Variants in PVT1 observed in about 807,000 individuals in gnomAD.
PVT1 encodes the protein Pvt1 oncogene, also known as CXCR4/PVT1 fusion.
At chr8:128,060,205 C>G (rs1021663547) in intron 4 of PVT1, among the ~76,000 whole-genome samples, 7 of 151,992 alleles carry the variant, frequency 4.6e-5, no homozygotes, top group African/African-American at 1.5e-4. Flanking sequence ...GCAGTGAGCC[C>G]AGATAATGCC....
chr8:127,848,202 A>G (rs1201270308), intron 2 of PVT1, among the ~76,000 whole-genome samples: 89 of 152,176 alleles, frequency 5.8e-4, no homozygotes, highest in Non-Finnish European at 2.6e-4. Context: ...ATCACATGTC[A>G]AGGTTATGTT....
At chr8:127,831,868 C>T (rs1290355910) in intron 2 of PVT1, among the ~76,000 whole-genome samples, 4 of 152,240 alleles carry the variant, frequency 2.6e-5, no homozygotes, top group Admixed American at 2.6e-4. Flanking sequence ...ATGAAGGTGA[C>T]TGCTCTTGCG....
chr8:127,926,910 T>C (rs919256217), intron 3 of PVT1, among the ~76,000 whole-genome samples: 2 of 152,216 alleles, frequency 1.3e-5, no homozygotes, highest in Non-Finnish European at 2.9e-5. Context: ...TTCAGGCTAA[T>C]CGGACACGAG....
At chr8:127,872,078 G>A (rs1166374805) in intron 2 of PVT1, among the ~76,000 whole-genome samples, 1 of 148,602 alleles carries the variant, frequency 6.7e-6, no homozygotes. Context: ...GGGGACAAGA[G>A]TGAGACTCCG....
chr8:128,050,280 T>C (rs188464565), intron 4 of PVT1, among the ~76,000 whole-genome samples: 2 of 152,304 alleles, frequency 1.3e-5, no homozygotes, highest in Non-Finnish European at 2.9e-5. Flanking sequence ...CAACTTGAGT[T>C]TAACTGTCTC....
chr8:127,847,892 T>G (rs1384795864), intron 2 of PVT1, among the ~76,000 whole-genome samples: 1 of 151,896 alleles, frequency 6.6e-6, no homozygotes, highest in Non-Finnish European at 1.5e-5. Context: ...GGGAGGAAGA[T>G]GCATGAAGAA....
chr8:127,882,096 G>T (rs1429305715), intron 2 of PVT1, among the ~76,000 whole-genome samples: 2 of 152,168 alleles, frequency 1.3e-5, no homozygotes, highest in Non-Finnish European at 2.9e-5. Context: ...TAAGGGATGT[G>T]CCCAAGGCCA....
At chr8:128,080,950 A>G (rs932549202) in intron 5 of PVT1, among the ~76,000 whole-genome samples, 1 of 152,166 alleles carries the variant, frequency 6.6e-6, no homozygotes, top group African/African-American at 2.4e-5. Context: ...TTTCAGCACC[A>G]TTTGTTGAAA....
intron 4 of PVT1, among the ~76,000 whole-genome samples, chr8:128,043,739 CT>C (rs1813573534): frequency 6.8e-6 from 1 of 148,042 alleles, no homozygotes; most frequent in Non-Finnish European, 1.5e-5. Context: ...TATTTTTTAA[CT>C]GCTATATAGT....
intron 2 of PVT1, among the ~76,000 whole-genome samples, chr8:127,853,469 C>T (rs1173441540): frequency 6.6e-6 from 1 of 151,858 alleles, no homozygotes; most frequent in African/African-American, 2.4e-5. Context: ...GGCACGTGGT[C>T]GTAACTGAGC....
At chr8:127,845,872 A>G (rs1175365456) in intron 2 of PVT1, among the ~76,000 whole-genome samples, 1 of 152,060 alleles carries the variant, frequency 6.6e-6, no homozygotes, top group Non-Finnish European at 1.5e-5. Context: ...GACACTGGCG[A>G]TTTTTCTCTC....
At chr8:127,905,817 A>G (rs1448473918) in intron 3 of PVT1, among the ~76,000 whole-genome samples, 1 of 152,212 alleles carries the variant, frequency 6.6e-6, no homozygotes, top group African/African-American at 2.4e-5. Flanking sequence ...CTTTTGTGGC[A>G]TGTGCAAGAG....
At position 128,086,218 on chromosome 8, in the gene PVT1, G is replaced by A. The variant is rs114333120; in HGVS notation, n.1115-10300G>A. ...CCTTTTTTTAGGACACGAACTAGTA[G>A]TTCCTTGAGTATTCCAGCCAATGGG... On this transcript the variant is annotated intron_variant and non_coding_transcript_variant, in intron 5 of 10. Coordinates refer to ENST00000651587, the Ensembl canonical transcript of PVT1. Among the ~76,000 whole-genome samples, 1,125 of 152,276 alleles carry A rather than the reference G, an allele frequency of 7.4e-3. 17 individuals carry two copies. The highest frequency in any genetic ancestry group is 0.026 in the African/African-American group (1,073 of 41,540).
chr8:127,917,973 A>G (rs574061481), intron 3 of PVT1, among the ~76,000 whole-genome samples: 1 of 152,364 alleles, frequency 6.6e-6, no homozygotes, highest in South Asian at 2.1e-4. Context: ...AGCATTTCTA[A>G]TAAGCAGCCT....
At chr8:127,996,103 C>G (rs1286262724) in intron 4 of PVT1, among the ~76,000 whole-genome samples, 2 of 152,186 alleles carry the variant, frequency 1.3e-5, no homozygotes, top group Non-Finnish European at 2.9e-5. Flanking sequence ...CCACACTCAC[C>G]TTTCTCCTTT....
At chr8:127,970,802 A>G (rs544444507) in intron 3 of PVT1, among the ~76,000 whole-genome samples, 1 of 152,316 alleles carries the variant, frequency 6.6e-6, no homozygotes, top group African/African-American at 2.4e-5. Context: ...ACTGAGAATC[A>G]CTATTACCTT....
intron 4 of PVT1, among the ~76,000 whole-genome samples, chr8:127,995,977 A>G (rs1817099916): frequency 6.6e-6 from 1 of 152,072 alleles, no homozygotes; most frequent in African/African-American, 2.4e-5. Context: ...AAATCGGTAT[A>G]AGTGCTACAC....
intron 2 of PVT1, among the ~76,000 whole-genome samples, chr8:127,872,398 G>A (rs957070667): frequency 6.6e-6 from 1 of 152,224 alleles, no homozygotes; most frequent in African/African-American, 2.4e-5. Flanking sequence ...GGGTGGCAGA[G>A]AGAGTATCCG....
intron 2 of PVT1, among the ~76,000 whole-genome samples, chr8:127,890,418 C>T (rs1815586275): frequency 6.6e-6 from 1 of 152,248 alleles, no homozygotes; most frequent in South Asian, 2.1e-4. Context: ...CAGCTCTCAC[C>T]TGAAGGCCTC....
Sources: gnomAD v4.1 joint callset for allele counts (sites outside exome capture counted in the v4.1 genomes callset) on GRCh38, gnomAD v4.1.1 for gene constraint, MANE v1.5 for transcripts, NCBI Gene and HGNC (gene_info 2026-07-23, HGNC 2026-07-21) for gene names.